The following MAML3 variants were observed in gnomAD, a reference collection of about 807,000 sequenced individuals.
MAML3 encodes mastermind like transcriptional coactivator 3, also known as mastermind-like protein 3.
A neutral mutation model predicts 101.9 loss-of-function variants in MAML3; 27 were observed. The observed-to-expected ratio is 0.27, with a 90% CI of 0.20 to 0.37. The LOEUF (loss-of-function observed/expected upper bound fraction) is 0.37. Ranked by LOEUF, MAML3 falls within the 10% of genes least tolerant of loss-of-function variation. The pLI, the probability that MAML3 is intolerant of heterozygous loss-of-function variation, is 1.00. For missense variants in MAML3, 1,316 were observed against 1,444.9 expected (o/e 0.91, Z 1.45); for synonymous variants, 501 against 555.9 (o/e 0.90, Z 1.39).
intron 1 of MAML3, among the ~76,000 whole-genome samples, chr4:139,973,378 A>G (rs754981938): frequency 6.6e-6 from 1 of 152,226 alleles, no homozygotes; most frequent in Non-Finnish European, 1.5e-5. Context: ...TTTAGGTCAC[A>G]TGCAGGCCAA....
In MAML3 at chr4:139,924,470, C is replaced by T. The variant is rs116043060; in HGVS notation, c.469-33503G>A. Among the ~76,000 whole-genome samples, 803 of 152,252 alleles carry T rather than the reference C, an allele frequency of 5.3e-3. 9 individuals carry two copies. Among genetic ancestry groups the T allele is most frequent in the African/African-American group, 0.018 (761 of 41,548 alleles). On this transcript the variant is annotated intron_variant, in intron 1 of 4. Coordinates refer to ENST00000509479, the MANE Select transcript of MAML3 (RefSeq NM_018717.5). ...CTCCCTTTTTCTAATTTGTAACACA[C>T]GAAATGTTTTCTCCATGTTATTCTG...
chr4:140,082,457 C>T (rs1314995130), intron 1 of MAML3, among the ~76,000 whole-genome samples: 1 of 152,214 alleles, frequency 6.6e-6, no homozygotes, highest in African/African-American at 2.4e-5. Context: ...TCTGAAGATG[C>T]TGTTTGCCTG....
intron 2 of MAML3, among the ~76,000 whole-genome samples, chr4:139,822,241 C>CACT (rs1730985954): frequency 1.3e-5 from 2 of 148,698 alleles, no homozygotes; most frequent in Admixed American, 1.3e-4. Context: ...CCACCACCAC[C>CACT]ACCACCACCA....
chr4:139,900,593 C>T (rs1732698521), intron 1 of MAML3, among the ~76,000 whole-genome samples: 1 of 151,708 alleles, frequency 6.6e-6, no homozygotes. Flanking sequence ...CCTGTGTAGT[C>T]TCTGTATCCG....
intron 1 of MAML3, among the ~76,000 whole-genome samples, chr4:140,043,580 A>G (rs1471437977): frequency 6.6e-6 from 1 of 152,226 alleles, no homozygotes; most frequent in Non-Finnish European, 1.5e-5. Context: ...GCTACTAAAG[A>G]ATTTAAAAAT....
intron 2 of MAML3, among the ~76,000 whole-genome samples, chr4:139,774,502 A>G (rs544732665): frequency 5.9e-5 from 9 of 152,368 alleles, no homozygotes; most frequent in Admixed American, 1.3e-4. Context: ...GCTGAATCCT[A>G]TAGCCCACTT....
At position 139,868,331 on chromosome 4, in the gene MAML3, G is replaced by C. The variant is rs530907682; in HGVS notation, c.2079+21026C>G. Among the ~76,000 whole-genome samples, 5 of 152,296 alleles carry C rather than the reference G, an allele frequency of 3.3e-5. No individual in the cohort carries two copies. The South Asian group carries it at 1.0e-3, about 32-fold the overall frequency. The stretch of plus-strand genomic sequence containing the variant: ...GATATTGGATATATATGGAAGTTTG[G>C]TCATAGGATCATTCAAGATTCATTT... On this transcript the variant is annotated intron_variant, in intron 2 of 4. Transcript: ENST00000509479.
At chr4:139,918,966 G>GA (rs1270996835) in intron 1 of MAML3, among the ~76,000 whole-genome samples, 4 of 152,046 alleles carry the variant, frequency 2.6e-5, no homozygotes, top group Non-Finnish European at 4.4e-5. Context: ...AAATATTAGA[G>GA]AAAAAACATC....
chr4:139,889,504 CTGCTGT>C lies in MAML3; in HGVS notation c.1926_1931del (p.Gln649_Gln650del), dbSNP rs199544233. On this transcript the variant is annotated inframe_deletion, in exon 2 of 5. Transcript: ENST00000509479. ...GTGGCGGCTGCTGCTGCTGCTGCTGCTGCTGTTGCTGTTGCTGCTGCTGTTGCTGCT... is the reference window on the plus strand; with the variant it reads ...GTGGCGGCTGCTGCTGCTGCTGCTGCTGCTGTTGCTGCTGCTGTTGCTGCT... 119 of 1,609,982 alleles carry C rather than the reference CTGCTGT, an allele frequency of 7.4e-5. No homozygotes were observed. The East Asian group carries it at 2.5e-3, about 34-fold the overall frequency.
intron 2 of MAML3, among the ~76,000 whole-genome samples, chr4:139,834,439 C>G (rs1731223685): frequency 6.6e-6 from 1 of 152,212 alleles, no homozygotes; most frequent in Admixed American, 6.5e-5. Context: ...GACTGGGCCA[C>G]TTCTGTATGT....
intron 1 of MAML3, among the ~76,000 whole-genome samples, chr4:140,056,917 C>G (rs906872482): frequency 6.6e-6 from 1 of 152,058 alleles, no homozygotes; most frequent in Non-Finnish European, 1.5e-5. Context: ...TGTGCAGGCA[C>G]GAAGCCAGGA....
At chr4:139,896,767 GGAATTACAAA>G (rs1237955794) in intron 1 of MAML3, among the ~76,000 whole-genome samples, 1 of 152,122 alleles carries the variant, frequency 6.6e-6, no homozygotes, top group Non-Finnish European at 1.5e-5. Context: ...CTGTGCCTTT[GGAATTACAAA>G]GAACTTTCAC....
rs1455693883 is a variant in MAML3 at position 139,889,452 on chromosome 4, G to A, written c.1984C>T (p.His662Tyr). The A allele has an allele frequency of 3.1e-6, 5 of 1,613,906 alleles. No homozygotes were observed. The highest frequency in any genetic ancestry group is 4.2e-6 in the Non-Finnish European group (5 of 1,179,900). ...PPPQLQAPRA[H>Y]LSEDQKRLLL... is the part of the protein sequence containing the mutation. ...AGGCGTTTCTGGTCTTCGCTCAGGT[G>A]TGCCCTGGGGGCCTGGAGCTGTGGA... is the stretch of plus-strand genomic sequence containing the variant. The change falls in exon 2 of 5, where the codon CAC becomes TAC. Residue 662 changes from histidine to tyrosine, a missense_variant. Coordinates refer to ENST00000509479, the MANE Select transcript of MAML3 (RefSeq NM_018717.5).
chr4:139,995,978 T>G (rs1360858747), intron 1 of MAML3, among the ~76,000 whole-genome samples: 1 of 152,116 alleles, frequency 6.6e-6, no homozygotes, highest in Non-Finnish European at 1.5e-5. Context: ...TAATTTTTAA[T>G]ATGTTGTGTT....
intron 1 of MAML3, among the ~76,000 whole-genome samples, chr4:140,075,979 C>T (rs1048028499): frequency 2.6e-5 from 4 of 152,244 alleles, no homozygotes; most frequent in African/African-American, 9.6e-5. Flanking sequence ...CCAGGCTAGT[C>T]TCGAACTCCT....
intron 2 of MAML3, among the ~76,000 whole-genome samples, chr4:139,741,886 T>C (rs78250967): frequency 6.6e-6 from 1 of 151,906 alleles, no homozygotes; most frequent in South Asian, 2.1e-4. Flanking sequence ...ATTGCATTTT[T>C]AAAACGCCCT....
intron 2 of MAML3, among the ~76,000 whole-genome samples, chr4:139,742,592 C>G (rs1444235727): frequency 6.6e-6 from 1 of 152,106 alleles, no homozygotes; most frequent in African/African-American, 2.4e-5. Context: ...TAGGTGGGGC[C>G]TATATTTTCA....
At chr4:139,793,902 C>T in intron 2 of MAML3, among the ~76,000 whole-genome samples, 1 of 152,282 alleles carries the variant, frequency 6.6e-6, no homozygotes, top group Middle Eastern at 3.4e-3. Context: ...GAATACATTA[C>T]TTTCTAATAA....
chr4:139,781,633 G>A (rs1369178146), intron 2 of MAML3, among the ~76,000 whole-genome samples: 1 of 151,900 alleles, frequency 6.6e-6, no homozygotes, highest in Non-Finnish European at 1.5e-5. Context: ...TTTCACAGGT[G>A]GGCAAAGAGG....
Sources: allele counts gnomAD v4.1 joint callset (sites outside exome capture counted in the v4.1 genomes callset), GRCh38; gene constraint gnomAD v4.1.1; transcripts MANE v1.5; gene names NCBI Gene and HGNC (gene_info 2026-07-23, HGNC 2026-07-21).